SCAPER: variants seen among roughly 807,000 people sequenced by gnomAD.
SCAPER encodes the protein S-phase cyclin A associated protein in the ER.
Under a neutral mutation model 182.2 loss-of-function variants are expected in SCAPER, and 98 were observed. That is an observed-to-expected ratio of 0.54 (90% CI 0.46 to 0.64). The LOEUF (loss-of-function observed/expected upper bound fraction) is 0.64, where lower values mean the gene tolerates loss of function less well. SCAPER is among the 30% of genes least tolerant of loss of function. The pLI is 0.00. For missense variants in SCAPER, 1,432 were observed against 1,690.0 expected (o/e 0.85, Z 2.68); for synonymous variants, 605 against 564.6 (o/e 1.07, Z -1.01).
chr15:76,818,191 G>A (rs1306080830), intron 5 of SCAPER, among the ~76,000 whole-genome samples: 2 of 152,100 alleles, frequency 1.3e-5, no homozygotes, highest in Admixed American at 1.3e-4. Context: ...CCAATACAAG[G>A]GAACAAAGAT....
intron 25 of SCAPER, among the ~76,000 whole-genome samples, chr15:76,455,780 A>C (rs2048686896): frequency 6.6e-6 from 1 of 152,128 alleles, no homozygotes; most frequent in Non-Finnish European, 1.5e-5. Flanking sequence ...CAAGGTTTTA[A>C]GCCCACATGC....
chr15:76,388,808 A>G (rs1338971094), intron 27 of SCAPER, among the ~76,000 whole-genome samples: 3 of 151,272 alleles, frequency 2.0e-5, no homozygotes, highest in African/African-American at 7.3e-5. Context: ...AAAACACAAA[A>G]AAATTAGCTG....
chr15:76,835,651 C>T (rs2068869778), intron 5 of SCAPER, among the ~76,000 whole-genome samples: 1 of 152,094 alleles, frequency 6.6e-6, no homozygotes, highest in Admixed American at 6.6e-5. Flanking sequence ...AGGATTCCCA[C>T]CTCACCATTC....
chr15:76,487,733 A>T (rs1168612794), intron 24 of SCAPER, among the ~76,000 whole-genome samples: 2 of 152,190 alleles, frequency 1.3e-5, no homozygotes, highest in Non-Finnish European at 2.9e-5. Context: ...TATATTTGAT[A>T]GGTTTTAATC....
intron 22 of SCAPER, among the ~76,000 whole-genome samples, chr15:76,608,381 T>C (rs1044273529): frequency 6.6e-6 from 1 of 152,138 alleles, no homozygotes; most frequent in Non-Finnish European, 1.5e-5. Flanking sequence ...TCTGGAAGTT[T>C]TGTCTCAGAG....
intron 8 of SCAPER, among the ~76,000 whole-genome samples, chr15:76,778,668 T>G (rs1465324285): frequency 6.6e-6 from 1 of 151,932 alleles, no homozygotes; most frequent in African/African-American, 2.4e-5. Context: ...TGTGTGTGTA[T>G]GTATATACAT....
intron 18 of SCAPER, among the ~76,000 whole-genome samples, chr15:76,705,602 A>G (rs2059220370): frequency 6.6e-6 from 1 of 152,062 alleles, no homozygotes; most frequent in Admixed American, 6.6e-5. Flanking sequence ...AAAAAAAACA[A>G]TGTAAATACA....
chr15:76,791,159 T>A (rs2064978242), intron 8 of SCAPER, among the ~76,000 whole-genome samples: 1 of 152,210 alleles, frequency 6.6e-6, no homozygotes, highest in Non-Finnish European at 1.5e-5. Context: ...ACAAACAGAA[T>A]CATTTAAATC....
At chr15:76,476,100 C>G (rs887171319) in intron 24 of SCAPER, among the ~76,000 whole-genome samples, 6 of 152,132 alleles carry the variant, frequency 3.9e-5, no homozygotes, top group Non-Finnish European at 7.4e-5. Flanking sequence ...TCCTGTGGCT[C>G]TTGGTTGTTA....
chr15:76,721,493 T>C (rs925729041), intron 17 of SCAPER, among the ~76,000 whole-genome samples: 12 of 152,016 alleles, frequency 7.9e-5, no homozygotes, highest in Non-Finnish European at 1.2e-4. Context: ...GGGGATGGCA[T>C]TGAATCTATA....
chr15:76,354,019 T>C lies in SCAPER; in HGVS notation c.3977A>G (p.Tyr1326Cys). 1 of 1,607,352 alleles carries C rather than the reference T, an allele frequency of 6.2e-7. No homozygotes were observed. The highest frequency in any genetic ancestry group is 8.5e-7 in the Non-Finnish European group (1 of 1,178,114). ...VLFPSLIAAC[Y>C]NNHQNKIILE... Reference sequence around the variant, plus strand: ...AATGATCTTGTTCTGATGGTTGTTGTAACAAGCAGCGATAAGTGAAGGGAA... The same window carrying C: ...AATGATCTTGTTCTGATGGTTGTTGCAACAAGCAGCGATAAGTGAAGGGAA... The change falls in exon 30 of 32, where the codon TAC becomes TGC. Residue 1326 changes from tyrosine (Y) to cysteine (C), a missense_variant. Physicochemically the swap from Tyr to Cys is radical, Grantham distance 194. Coordinates refer to ENST00000563290, the MANE Select transcript of SCAPER (RefSeq NM_020843.4). The surrounding 1 kb of genome is among the most constrained non-coding windows in gnomAD (Gnocchi z 4.4).
intron 15 of SCAPER, among the ~76,000 whole-genome samples, chr15:76,751,851 AG>A (rs951724621): frequency 2.0e-5 from 3 of 151,824 alleles, no homozygotes; most frequent in African/African-American, 7.2e-5. Context: ...CCAAAGTCAC[AG>A]GCAACAAAAG....
intron 22 of SCAPER, among the ~76,000 whole-genome samples, chr15:76,601,688 T>C (rs1229573239): frequency 8.2e-6 from 1 of 122,000 alleles, no homozygotes; most frequent in African/African-American, 2.5e-5. Flanking sequence ...AACTAAAAGT[T>C]TGCAGTATAG....
chr15:76,838,048 A>C (rs890024320), intron 5 of SCAPER, among the ~76,000 whole-genome samples: 1 of 152,180 alleles, frequency 6.6e-6, no homozygotes, highest in African/African-American at 2.4e-5. Context: ...TCCTATTATT[A>C]AGTATATACC....
chr15:76,378,407 A>T (rs2141911868), intron 28 of SCAPER, among the ~76,000 whole-genome samples: 1 of 152,328 alleles, frequency 6.6e-6, no homozygotes, highest in Non-Finnish European at 1.5e-5. Flanking sequence ...TAGATCCTAA[A>T]ATCTCACTTT....
Position 76,379,557 on chromosome 15 carries a change from C to T in SCAPER, c.3705+1821G>A, listed in dbSNP as rs189372299. 4.6e-5 allele frequency among the ~76,000 whole-genome samples: 7 copies of T among 152,074 alleles called. No individual in the cohort carries two copies. In the East Asian group the frequency reaches 5.8e-4, roughly 13 times the overall value. ...ACTCTGGTTTTATTCCTGCTGTTTTCGGCAAAAGTGGCTCAAGTAGGGGAT... is the reference window on the plus strand; with the variant it reads ...ACTCTGGTTTTATTCCTGCTGTTTTTGGCAAAAGTGGCTCAAGTAGGGGAT... On this transcript the variant is annotated intron_variant, in intron 28 of 31. Transcript: ENST00000563290.
At chr15:76,483,456 T>C (rs1412589500) in intron 24 of SCAPER, among the ~76,000 whole-genome samples, 1 of 152,076 alleles carries the variant, frequency 6.6e-6, no homozygotes. Context: ...AGTTTTCATA[T>C]ACAATATCAA....
intron 23 of SCAPER, among the ~76,000 whole-genome samples, chr15:76,568,864 C>A (rs1036015079): frequency 3.3e-5 from 5 of 151,776 alleles, no homozygotes; most frequent in African/African-American, 9.7e-5. Context: ...TATAGATTTA[C>A]TCCTAGATAT....
At chr15:76,493,396 T>C (rs1276839003) in intron 24 of SCAPER, among the ~76,000 whole-genome samples, 1 of 152,234 alleles carries the variant, frequency 6.6e-6, no homozygotes, top group South Asian at 2.1e-4. Flanking sequence ...CCTAATAGAA[T>C]AGGCAATTTA....
Sources: gnomAD v4.1 joint callset for allele counts (sites outside exome capture counted in the v4.1 genomes callset) on GRCh38, gnomAD v4.1.1 for gene constraint, Gnocchi (gnomAD v3.1) non-coding constraint, MANE v1.5 for transcripts, NCBI Gene and HGNC (gene_info 2026-07-23, HGNC 2026-07-21) for gene names.